The following WWOX variants were observed in gnomAD, a reference collection of about 807,000 sequenced individuals.
WWOX encodes the protein WW domain-containing oxidoreductase.
Under a neutral mutation model 46.2 loss-of-function variants are expected in WWOX, and 69 were observed. That is an observed-to-expected ratio of 1.49 (90% confidence interval 1.23 to 1.82). The LOEUF (loss-of-function observed/expected upper bound fraction) is 1.82. Ranked by LOEUF, WWOX falls within the 40% of genes most tolerant of loss-of-function variation. The pLI, the probability that WWOX is intolerant of heterozygous loss-of-function variation, is 0.00. For synonymous variants in WWOX, 359 were observed against 202.6 expected, an observed-to-expected ratio of 1.77 and a Z score of -6.56; for missense variants, 919 against 542.6, an observed-to-expected ratio of 1.69 and a Z score of -6.89.
chr16:78,488,432 TA>T (rs2151457934), intron 8 of WWOX, among the ~76,000 whole-genome samples: 1 of 152,280 alleles, frequency 6.6e-6, no homozygotes, highest in African/African-American at 2.4e-5. Flanking sequence ...AGCCCTTTTT[TA>T]GGACCCAAGA....
chr16:78,295,182 A>G (rs1203634728), intron 5 of WWOX, among the ~76,000 whole-genome samples: 2 of 152,154 alleles, frequency 1.3e-5, no homozygotes, highest in East Asian at 3.9e-4. Context: ...TTGGCTGAAG[A>G]TGTATCATCT....
intron 4 of WWOX, among the ~76,000 whole-genome samples, chr16:78,147,249 A>G (rs775655420): frequency 6.6e-6 from 1 of 152,140 alleles, no homozygotes; most frequent in African/African-American, 2.4e-5. Context: ...AATTTGCTTT[A>G]AAGTTTTTTA....
At chr16:78,215,217 G>A (rs767814438) in intron 5 of WWOX, among the ~76,000 whole-genome samples, 30 of 152,176 alleles carry the variant, frequency 2.0e-4, no homozygotes, top group Non-Finnish European at 3.4e-4. Flanking sequence ...ATCAGGTGTT[G>A]TGCTCACGTG....
At chr16:79,082,316 G>T (rs2150583811) in intron 8 of WWOX, among the ~76,000 whole-genome samples, 1 of 152,276 alleles carries the variant, frequency 6.6e-6, no homozygotes, top group African/African-American at 2.4e-5. Flanking sequence ...TCTTCCCAGG[G>T]TGTGACCTCA....
At chr16:78,898,997 C>G (rs980029785) in intron 8 of WWOX, 2 of 152,028 alleles carry the variant, frequency 1.3e-5, no homozygotes, top group Non-Finnish European at 2.9e-5. Context: ...TTCACCTTTT[C>G]CTTTTTGTTA....
Position 78,594,339 on chromosome 16 carries a change from AC to A in WWOX, c.1056+161590del, listed in dbSNP as rs971953884. On this transcript the variant is annotated intron_variant, in intron 8 of 8. Transcript: ENST00000566780. ...TTCAGCAATACTCTCCAGCAGCAAA[AC>A]CCAATCCGCTCATATTCTTGCATTT... Among the ~76,000 whole-genome samples the A allele has an allele frequency of 1.7e-4, 26 of 148,988 alleles. 1 individual carries two copies. Among genetic ancestry groups the A allele is most frequent in the Middle Eastern group, 3.5e-3 (1 of 286 alleles).
intron 8 of WWOX, among the ~76,000 whole-genome samples, chr16:78,808,899 T>C (rs1265553273): frequency 6.6e-6 from 1 of 152,174 alleles, no homozygotes; most frequent in Non-Finnish European, 1.5e-5. Context: ...TGGAGCCATC[T>C]AAATTCCGTT....
intron 8 of WWOX, among the ~76,000 whole-genome samples, chr16:78,954,927 C>T (rs1420346928): frequency 1.3e-5 from 2 of 152,052 alleles, no homozygotes; most frequent in African/African-American, 4.8e-5. Flanking sequence ...GTAGCTGAGA[C>T]CACAGGCACG....
At chr16:78,143,902 G>T (rs2034075564) in intron 4 of WWOX, among the ~76,000 whole-genome samples, 1 of 151,668 alleles carries the variant, frequency 6.6e-6, no homozygotes, top group Non-Finnish European at 1.5e-5. Context: ...TTTCGGATCA[G>T]CTTTCTTTTT....
At chr16:79,100,119 C>G (rs979634774) in intron 8 of WWOX, among the ~76,000 whole-genome samples, 5 of 152,140 alleles carry the variant, frequency 3.3e-5, no homozygotes, top group African/African-American at 1.2e-4. Context: ...GGGCTTCAAT[C>G]ACATCTACAA....
intron 8 of WWOX, among the ~76,000 whole-genome samples, chr16:78,654,200 G>T (rs1217799245): frequency 6.6e-6 from 1 of 151,564 alleles, no homozygotes; most frequent in Non-Finnish European, 1.5e-5. Flanking sequence ...TCACCTGGGT[G>T]GGCGATTTGA....
chr16:78,618,206 G>T (rs2046077478), intron 8 of WWOX, among the ~76,000 whole-genome samples: 1 of 152,206 alleles, frequency 6.6e-6, no homozygotes, highest in South Asian at 2.1e-4. Context: ...TAAAGTCCTT[G>T]CTCTCCAACC....
At position 78,717,689 on chromosome 16, in the gene WWOX, C is replaced by T. The variant is rs143511112; in HGVS notation, c.1056+284937C>T. 3.9e-5 allele frequency among the ~76,000 whole-genome samples: 6 copies of T among 152,294 alleles called. No homozygotes were observed. The East Asian group carries it at 1.2e-3, about 29-fold the overall frequency. On this transcript the variant is annotated intron_variant, in intron 8 of 8. Coordinates refer to ENST00000566780, the MANE Select transcript of WWOX (RefSeq NM_016373.4). Reference sequence around the variant, plus strand: ...TTTTCCAAGAAGAGGCACTGAAGGGCAAGACTTCATTGCTTCTTTGATACT... The same window carrying T: ...TTTTCCAAGAAGAGGCACTGAAGGGTAAGACTTCATTGCTTCTTTGATACT...
At chr16:78,862,757 T>C (rs1469547825) in intron 8 of WWOX, among the ~76,000 whole-genome samples, 1 of 152,116 alleles carries the variant, frequency 6.6e-6, no homozygotes, top group Non-Finnish European at 1.5e-5. Context: ...CCTTTTATTT[T>C]ATTCAGGCCT....
chr16:79,127,352 T>G (rs2049780142), intron 8 of WWOX, among the ~76,000 whole-genome samples: 1 of 152,208 alleles, frequency 6.6e-6, no homozygotes, highest in Non-Finnish European at 1.5e-5. Context: ...TATATTCTTC[T>G]GCCCTCCCCT....
intron 6 of WWOX, among the ~76,000 whole-genome samples, chr16:78,404,568 G>C (rs2082483364): frequency 6.6e-6 from 1 of 151,996 alleles, no homozygotes; most frequent in African/African-American, 2.4e-5. Context: ...ATTCTACTTT[G>C]GCCTATCAAA....
chr16:78,217,044 G>A (rs1468909242), intron 5 of WWOX, among the ~76,000 whole-genome samples: 1 of 152,136 alleles, frequency 6.6e-6, no homozygotes, highest in African/African-American at 2.4e-5. Context: ...TTTAATGCGA[G>A]GTAATTAACA....
At chr16:78,216,219 T>G (rs1432494286) in intron 5 of WWOX, among the ~76,000 whole-genome samples, 1 of 152,166 alleles carries the variant, frequency 6.6e-6, no homozygotes, top group Non-Finnish European at 1.5e-5. Flanking sequence ...GGGGGAGTAA[T>G]AATGATAATA....
chr16:78,838,699 C>T (rs946080053), intron 8 of WWOX, among the ~76,000 whole-genome samples: 16 of 151,954 alleles, frequency 1.1e-4, no homozygotes, highest in African/African-American at 1.5e-4. Flanking sequence ...AAAAGTTAGC[C>T]GGGCGTGGTA....
Sources: allele counts gnomAD v4.1 joint callset (sites outside exome capture counted in the v4.1 genomes callset), GRCh38; gene constraint gnomAD v4.1.1; transcripts MANE v1.5; gene names NCBI Gene and HGNC (gene_info 2026-07-23, HGNC 2026-07-21).